Variants in CCSER1 observed in about 807,000 individuals in gnomAD.
CCSER1 encodes the protein serine-rich coiled-coil domain-containing protein 1.
A neutral mutation model predicts 82.0 loss-of-function variants in CCSER1; 41 were observed. That is an observed-to-expected ratio of 0.50 (90% confidence interval 0.39 to 0.65). The LOEUF is 0.65. CCSER1 is among the 30% of genes least tolerant of loss of function. The pLI, the probability that CCSER1 is intolerant of heterozygous loss-of-function variation, is 0.00. For synonymous variants in CCSER1, 414 were observed against 383.9 expected (o/e 1.08, Z -0.92); for missense variants, 1,119 against 1,064.2 (o/e 1.05, Z -0.72).
At chr4:91,029,770 G>A (rs548597200) in intron 9 of CCSER1, among the ~76,000 whole-genome samples, 1 of 152,064 alleles carries the variant, frequency 6.6e-6, no homozygotes, top group South Asian at 2.1e-4. Context: ...GAGCTGTTCT[G>A]GTGATTAAAT....
At chr4:91,166,422 A>G (rs1388133183) in intron 10 of CCSER1, among the ~76,000 whole-genome samples, 2 of 152,188 alleles carry the variant, frequency 1.3e-5, no homozygotes, top group Non-Finnish European at 2.9e-5. Context: ...ATTTTAACCA[A>G]TGTTAGTTGC....
At chr4:91,295,385 G>T (rs1314933915) in intron 10 of CCSER1, among the ~76,000 whole-genome samples, 2 of 151,774 alleles carry the variant, frequency 1.3e-5, no homozygotes, top group Non-Finnish European at 2.9e-5. Context: ...AGTATTGTTT[G>T]TAAAGAGGCA....
At chr4:90,294,847 A>AT (rs1163231149) in intron 1 of CCSER1, among the ~76,000 whole-genome samples, 2 of 151,856 alleles carry the variant, frequency 1.3e-5, no homozygotes, top group Non-Finnish European at 2.9e-5. Context: ...ATCCTTCAAG[A>AT]TTTTTTTCAG....
intron 10 of CCSER1, among the ~76,000 whole-genome samples, chr4:91,246,198 A>G (rs1739759305): frequency 6.6e-6 from 1 of 152,118 alleles, no homozygotes; most frequent in Non-Finnish European, 1.5e-5. Context: ...AAGAGAGAAA[A>G]CAGAAAGTTA....
chr4:90,577,012 A>G (rs970877848), intron 5 of CCSER1, among the ~76,000 whole-genome samples: 8 of 152,022 alleles, frequency 5.3e-5, no homozygotes, highest in African/African-American at 1.4e-4. Flanking sequence ...GGGAGTTCCT[A>G]TTGTTCCATA....
At chr4:91,098,730 A>T in intron 10 of CCSER1, among the ~76,000 whole-genome samples, 1 of 152,006 alleles carries the variant, frequency 6.6e-6, no homozygotes, top group Non-Finnish European at 1.5e-5. Context: ...TTTAGTAGAG[A>T]TGGGGTTTCA....
At chr4:91,340,058 A>G (rs1010942945) in intron 10 of CCSER1, among the ~76,000 whole-genome samples, 3 of 152,148 alleles carry the variant, frequency 2.0e-5, no homozygotes, top group African/African-American at 7.2e-5. Context: ...CAGAGGTTGC[A>G]GTGAGCCATG....
At chr4:90,818,613 T>C (rs1433532267) in intron 8 of CCSER1, among the ~76,000 whole-genome samples, 1 of 152,210 alleles carries the variant, frequency 6.6e-6, no homozygotes, top group African/African-American at 2.4e-5. Context: ...GCAAGTGTTT[T>C]AGTCATTTGT....
At chr4:91,397,434 C>T (rs1351940052) in intron 10 of CCSER1, among the ~76,000 whole-genome samples, 2 of 152,044 alleles carry the variant, frequency 1.3e-5, no homozygotes, top group Admixed American at 6.6e-5. Flanking sequence ...ACTCAGATGC[C>T]AAAATCCCTA....
chr4:90,396,057 G>A (rs929732329), intron 3 of CCSER1, among the ~76,000 whole-genome samples: 2 of 152,128 alleles, frequency 1.3e-5, no homozygotes, highest in Admixed American at 6.6e-5. Flanking sequence ...CTCCAGCCTA[G>A]GCAACAGAGA....
intron 10 of CCSER1, among the ~76,000 whole-genome samples, chr4:91,261,797 A>G (rs900017281): frequency 3.3e-5 from 5 of 152,208 alleles, no homozygotes; most frequent in Admixed American, 2.6e-4. Flanking sequence ...TGTCTTCACT[A>G]TGTTGATTTT....
At chr4:91,025,857 A>G (rs57040256) in intron 9 of CCSER1, among the ~76,000 whole-genome samples, 1 of 151,590 alleles carries the variant, frequency 6.6e-6, no homozygotes, top group Admixed American at 6.6e-5. Flanking sequence ...TTTGGTTTTG[A>G]TTTTGTCTGC....
chr4:90,918,142 T>C (rs1727782706), intron 8 of CCSER1: 4 of 414,972 alleles, frequency 9.6e-6, no homozygotes, highest in South Asian at 5.4e-5. Flanking sequence ...ATCACTATTA[T>C]ATACTAGTGT....
Position 90,140,657 on chromosome 4 carries a change from CTTTTTTTTTT to C in CCSER1, c.-42+12843_-42+12852del, listed in dbSNP as rs34194245. On this transcript the variant is annotated intron_variant, in intron 1 of 10. Coordinates refer to ENST00000509176, the MANE Select transcript of CCSER1 (RefSeq NM_001145065.2). ...CTTCCAATCAGGTATTTTTGGTCTACTTTTTTTTTTTTTTTTTTTTTTTTTTGAGACGGAG... is the reference window on the plus strand; with the variant it reads ...CTTCCAATCAGGTATTTTTGGTCTACTTTTTTTTTTTTTTTTGAGACGGAG... Among the ~76,000 whole-genome samples, 9 of 63,648 alleles carry C rather than the reference CTTTTTTTTTT, an allele frequency of 1.4e-4. No individual in the cohort carries two copies. In the South Asian group the frequency reaches 3.4e-3, roughly 24 times the overall value. 41.8% of individuals were successfully genotyped at this position (63,648 alleles called of 152,430 possible).
At chr4:90,775,429 T>C (rs1301646762) in intron 7 of CCSER1, among the ~76,000 whole-genome samples, 2 of 152,120 alleles carry the variant, frequency 1.3e-5, no homozygotes, top group Non-Finnish European at 2.9e-5. Context: ...AGAGATAAGG[T>C]TGTAAAATAT....
intron 9 of CCSER1, among the ~76,000 whole-genome samples, chr4:90,972,904 G>C (rs981206195): frequency 7.2e-5 from 11 of 151,850 alleles, no homozygotes; most frequent in Admixed American, 3.3e-4. Flanking sequence ...AGCATACAAT[G>C]GGGGGACGAA....
chr4:90,496,144 C>A (rs2153608466), intron 5 of CCSER1, among the ~76,000 whole-genome samples: 1 of 152,214 alleles, frequency 6.6e-6, no homozygotes, highest in African/African-American at 2.4e-5. Context: ...TTCAGCAAAA[C>A]CACGATGGAT....
At chr4:91,061,512 G>A (rs918415240) in intron 9 of CCSER1, among the ~76,000 whole-genome samples, 2 of 151,924 alleles carry the variant, frequency 1.3e-5, no homozygotes, top group Non-Finnish European at 1.5e-5. Context: ...TATCCAGCTA[G>A]GAGAAAGGTG....
At chr4:90,883,731 G>T (rs1580919961) in intron 8 of CCSER1, among the ~76,000 whole-genome samples, 1 of 152,064 alleles carries the variant, frequency 6.6e-6, no homozygotes, top group Non-Finnish European at 1.5e-5. Context: ...GAGGTGCTTT[G>T]GCTTCATGCT....
Sources: gnomAD v4.1 joint callset for allele counts (sites outside exome capture counted in the v4.1 genomes callset) on GRCh38, gnomAD v4.1.1 for gene constraint, MANE v1.5 for transcripts, NCBI Gene and HGNC (gene_info 2026-07-23, HGNC 2026-07-21) for gene names.